The following ERC2 variants were observed in gnomAD, a reference collection of about 807,000 sequenced individuals.
ERC2 encodes the protein ERC protein 2.
ERC2 carries 42 observed loss-of-function variants against 114.8 expected under a neutral mutation model. The observed-to-expected ratio is 0.37, with a 90% CI of 0.29 to 0.47. ERC2 has a LOEUF of 0.47. Ranked by LOEUF, ERC2 falls within the 20% of genes least tolerant of loss-of-function variation. The pLI is 0.99. For synonymous variants in ERC2, 454 were observed against 425.5 expected (o/e 1.07, Z -0.82); for missense variants, 939 against 1,150.7 (o/e 0.82, Z 2.66).
chr3:56,267,478 CA>C (rs1325377373), intron 3 of ERC2, among the ~76,000 whole-genome samples: 1 of 151,950 alleles, frequency 6.6e-6, no homozygotes, highest in Admixed American at 6.6e-5. Flanking sequence ...GTGGGTAAAA[CA>C]GGGAGATGTT....
chr3:55,533,143 C>T (rs2053773620), intron 17 of ERC2, among the ~76,000 whole-genome samples: 1 of 152,208 alleles, frequency 6.6e-6, no homozygotes, highest in African/African-American at 2.4e-5. Context: ...GGGATTTTCA[C>T]AGGGTTAGCA....
intron 14 of ERC2, among the ~76,000 whole-genome samples, chr3:55,841,375 C>G (rs1245533537): frequency 2.0e-5 from 3 of 152,196 alleles, no homozygotes; most frequent in African/African-American, 7.2e-5. Flanking sequence ...TGCACACACT[C>G]TCTTGCCTGC....
At chr3:55,950,205 C>T (rs1232886429) in intron 13 of ERC2, among the ~76,000 whole-genome samples, 1 of 152,214 alleles carries the variant, frequency 6.6e-6, no homozygotes, top group African/African-American at 2.4e-5. Flanking sequence ...AAGACTCTGC[C>T]TTGTATTTCC....
chr3:56,319,726 C>T (rs1229756954), intron 2 of ERC2, among the ~76,000 whole-genome samples: 2 of 152,068 alleles, frequency 1.3e-5, no homozygotes, highest in African/African-American at 4.8e-5. Flanking sequence ...ATCCCAGCTA[C>T]TCAAGAGGCC....
intron 17 of ERC2, among the ~76,000 whole-genome samples, chr3:55,574,310 T>C (rs529761489): frequency 6.6e-6 from 1 of 152,320 alleles, no homozygotes; most frequent in Admixed American, 6.5e-5. Context: ...TCTCTGTCAA[T>C]TCCCTAATGA....
intron 5 of ERC2, among the ~76,000 whole-genome samples, chr3:56,141,258 C>G (rs930189270): frequency 1.3e-5 from 2 of 152,148 alleles, no homozygotes; most frequent in Admixed American, 6.5e-5. Context: ...ACAACTAGAG[C>G]TGAAGTTTAT....
chr3:56,208,443 G>A (rs2150115778), intron 3 of ERC2, among the ~76,000 whole-genome samples: 1 of 152,284 alleles, frequency 6.6e-6, no homozygotes, highest in Non-Finnish European at 1.5e-5. Flanking sequence ...AGGAATTTAG[G>A]ATACCTGCTT....
chr3:55,640,616 G>C (rs371672674), intron 17 of ERC2, among the ~76,000 whole-genome samples: 10 of 152,176 alleles, frequency 6.6e-5, no homozygotes, highest in Admixed American at 4.6e-4. Flanking sequence ...GAACACGGAG[G>C]CTGTGGTAAG....
At chr3:56,123,550 A>G (rs907300609) in intron 6 of ERC2, among the ~76,000 whole-genome samples, 4 of 152,138 alleles carry the variant, frequency 2.6e-5, no homozygotes, top group African/African-American at 9.7e-5. Flanking sequence ...CGAAACATAT[A>G]ACAAAATCAT....
chr3:56,092,021 TG>T (rs2077822066), intron 6 of ERC2, among the ~76,000 whole-genome samples: 2 of 152,170 alleles, frequency 1.3e-5, no homozygotes, highest in South Asian at 4.1e-4. Context: ...AAAACAATAA[TG>T]ATTGTATAAT....
intron 17 of ERC2, among the ~76,000 whole-genome samples, chr3:55,663,404 G>A (rs2061222771): frequency 6.6e-6 from 1 of 152,222 alleles, no homozygotes; most frequent in Non-Finnish European, 1.5e-5. Flanking sequence ...TGATGGCTAA[G>A]CTCCCTTTCA....
intron 17 of ERC2, among the ~76,000 whole-genome samples, chr3:55,565,523 C>T (rs891498200): frequency 6.6e-6 from 1 of 152,060 alleles, no homozygotes; most frequent in South Asian, 2.1e-4. Flanking sequence ...GCATTTCCCT[C>T]TAATATATCA....
rs149955658 is a variant in ERC2, at chr3:56,112,822, C to T, written c.1473+26687G>A. Among the ~76,000 whole-genome samples the T allele has an allele frequency of 5.0e-4, 76 of 152,058 alleles. 2 individuals are homozygous for T. In the East Asian group the frequency reaches 0.012, roughly 24 times the overall value. On this transcript the variant is annotated intron_variant, in intron 6 of 17. Coordinates refer to ENST00000288221, the MANE Select transcript of ERC2 (RefSeq NM_015576.3). The stretch of plus-strand genomic sequence containing the variant: ...GCCAGTCTAAATTTCCCATTTCCAC[C>T]GGGAGGTCAACACCACACTCCTCTG...
chr3:55,967,254 G>A (rs913504842), intron 12 of ERC2, among the ~76,000 whole-genome samples: 7 of 152,266 alleles, frequency 4.6e-5, no homozygotes, highest in South Asian at 4.1e-4. Context: ...AAGTCATATT[G>A]TATAGATGGA....
chr3:55,674,591 G>A (rs770310599), intron 17 of ERC2, among the ~76,000 whole-genome samples: 18 of 152,152 alleles, frequency 1.2e-4, no homozygotes, highest in East Asian at 1.9e-4. Context: ...TCAGGGCCTC[G>A]TCTTATGTTT....
At chr3:56,444,018 A>T (rs1384760509) in intron 1 of ERC2, among the ~76,000 whole-genome samples, 1 of 127,274 alleles carries the variant, frequency 7.9e-6, no homozygotes, top group East Asian at 2.6e-4. Context: ...GCTGGAGAGC[A>T]GTGGCCTGAT....
intron 12 of ERC2, among the ~76,000 whole-genome samples, chr3:55,962,615 G>C (rs1169791113): frequency 6.6e-6 from 1 of 152,198 alleles, no homozygotes. Flanking sequence ...ATCACATGAT[G>C]TGCTCTAGGC....
intron 14 of ERC2, among the ~76,000 whole-genome samples, chr3:55,872,986 C>T (rs733509): frequency 0.12 from 18,220 of 152,128 alleles, 1,401 homozygotes; most frequent in African/African-American, 0.21. Flanking sequence ...CTGATTGTCA[C>T]AACTGGGGGA....
chr3:55,890,108 A>C (rs1325216116), intron 13 of ERC2, among the ~76,000 whole-genome samples: 1 of 152,236 alleles, frequency 6.6e-6, no homozygotes, highest in Non-Finnish European at 1.5e-5. Context: ...TTATTCTTTA[A>C]CTTTACAAAT....
Sources: allele counts gnomAD v4.1 joint callset (sites outside exome capture counted in the v4.1 genomes callset), GRCh38; gene constraint gnomAD v4.1.1; transcripts MANE v1.5; gene names NCBI Gene and HGNC (gene_info 2026-07-23, HGNC 2026-07-21).